Variants in FSTL5 observed in about 807,000 individuals in gnomAD.
The protein encoded by FSTL5 is follistatin like 5.
FSTL5 carries 62 observed loss-of-function variants against 89.1 expected under a neutral mutation model. That is an observed-to-expected ratio of 0.70 (90% CI 0.57 to 0.86). FSTL5 has a LOEUF of 0.86. Ranked by LOEUF, FSTL5 falls within the 40% of genes least tolerant of loss-of-function variation. The pLI is 0.00. For missense variants in FSTL5, 1,057 were observed against 1,001.6 expected, an observed-to-expected ratio of 1.06 and a Z score of -0.75; for synonymous variants, 383 against 346.2, an observed-to-expected ratio of 1.11 and a Z score of -1.18.
At chr4:161,887,642 G>C (rs1732858480) in intron 4 of FSTL5, among the ~76,000 whole-genome samples, 1 of 151,726 alleles carries the variant, frequency 6.6e-6, no homozygotes, top group Non-Finnish European at 1.5e-5. Context: ...TTAGGATTTA[G>C]TCCCGTGATT....
intron 4 of FSTL5, among the ~76,000 whole-genome samples, chr4:161,919,717 C>T (rs1733939297): frequency 1.3e-5 from 2 of 151,902 alleles, no homozygotes; most frequent in Non-Finnish European, 2.9e-5. Context: ...ACAGCATGAA[C>T]AAGTAAACAA....
intron 6 of FSTL5, among the ~76,000 whole-genome samples, chr4:161,749,121 C>T (rs917510115): frequency 2.6e-5 from 4 of 152,090 alleles, no homozygotes; most frequent in African/African-American, 9.7e-5. Context: ...TATGGAGATA[C>T]TTCAAAGAAC....
intron 3 of FSTL5, among the ~76,000 whole-genome samples, chr4:161,956,594 G>T (rs1475521517): frequency 1.3e-5 from 2 of 151,816 alleles, no homozygotes; most frequent in South Asian, 4.1e-4. Flanking sequence ...AATTACTTTT[G>T]CACTGACCTA....
At chr4:162,017,095 T>C (rs6837160) in intron 3 of FSTL5, among the ~76,000 whole-genome samples, 151,998 of 152,316 alleles carry the variant, frequency 1, 75,840 homozygotes, top group Non-Finnish European at 1. Context: ...ATTCCCTCTG[T>C]ACTTATTCTC....
intron 6 of FSTL5, among the ~76,000 whole-genome samples, chr4:161,716,874 C>T (rs920515109): frequency 3.3e-5 from 5 of 151,940 alleles, no homozygotes; most frequent in Non-Finnish European, 7.4e-5. Flanking sequence ...AAGGAGATAA[C>T]GTTAATTTTA....
chr4:161,544,919 T>C (rs1473678134), intron 8 of FSTL5, among the ~76,000 whole-genome samples: 1 of 151,994 alleles, frequency 6.6e-6, no homozygotes, highest in Non-Finnish European at 1.5e-5. Flanking sequence ...AATTAACTAG[T>C]GATGAATACA....
At chr4:161,396,653 T>TA (rs202204959) in intron 15 of FSTL5, among the ~76,000 whole-genome samples, 2,182 of 125,106 alleles carry the variant, frequency 0.017, 51 homozygotes, top group East Asian at 0.055. Flanking sequence ...CACTCTGTCT[T>TA]AAAAAAAAAA....
intron 4 of FSTL5, among the ~76,000 whole-genome samples, chr4:161,806,022 A>T (rs1729954615): frequency 6.6e-6 from 1 of 152,114 alleles, no homozygotes; most frequent in Non-Finnish European, 1.5e-5. Flanking sequence ...AAACTTTGTC[A>T]TAGGTATGTT....
chr4:161,500,062 T>A lies in FSTL5; in HGVS notation c.1412A>T (p.Glu471Val), dbSNP rs756353897. ...GIKVIQPIECEFQRHIKPSEK... is the reference protein window; with the variant it reads ...GIKVIQPIECVFQRHIKPSEK... ...ACTAGGCTTAATGTGCCTCTGAAAT[T>A]CACATTCTATGGGTTGTATCACTTT... Residue 471 changes from glutamate (E) to valine (V), a missense_variant, in exon 12 of 16, where the codon GAA (glutamate) becomes GTA (valine). Coordinates refer to ENST00000306100, the MANE Select transcript of FSTL5 (RefSeq NM_020116.5). 6.2e-7 allele frequency: 1 copy of A among 1,610,836 alleles called. No homozygotes were observed. Among genetic ancestry groups the A allele is most frequent in the East Asian group, 2.2e-5 (1 of 44,704 alleles).
chr4:162,129,037 G>C (rs997182050), intron 1 of FSTL5, among the ~76,000 whole-genome samples: 125 of 151,068 alleles, frequency 8.3e-4, no homozygotes, highest in African/African-American at 2.8e-3. Flanking sequence ...CGATTCTCCT[G>C]TTCTCCTGCC....
chr4:162,055,501 A>AATAG (rs1276930217), intron 2 of FSTL5, among the ~76,000 whole-genome samples: 1 of 147,026 alleles, frequency 6.8e-6, no homozygotes, highest in Non-Finnish European at 1.5e-5. Context: ...CATATATATA[A>AATAG]ATAGATAGAT....
chr4:161,806,137 T>A (rs561974728), intron 4 of FSTL5, among the ~76,000 whole-genome samples: 1 of 152,252 alleles, frequency 6.6e-6, no homozygotes, highest in East Asian at 1.9e-4. Flanking sequence ...TGCACAGCAA[T>A]GTTGTGGCAC....
intron 6 of FSTL5, among the ~76,000 whole-genome samples, chr4:161,737,928 T>C (rs1181663393): frequency 6.6e-6 from 1 of 152,082 alleles, no homozygotes; most frequent in Non-Finnish European, 1.5e-5. Context: ...ATTTTGAGAA[T>C]TAAAAATTTA....
At chr4:161,823,462 G>A (rs1232956111) in intron 4 of FSTL5, among the ~76,000 whole-genome samples, 1 of 152,184 alleles carries the variant, frequency 6.6e-6, no homozygotes, top group Non-Finnish European at 1.5e-5. Flanking sequence ...CACTCAACCA[G>A]GTTACAACAA....
At chr4:161,643,637 T>C (rs1488148537) in intron 7 of FSTL5, among the ~76,000 whole-genome samples, 2 of 152,312 alleles carry the variant, frequency 1.3e-5, no homozygotes, top group South Asian at 2.1e-4. Context: ...GTACTTCCCC[T>C]CATCTTTTTC....
chr4:161,866,135 T>C (rs1732079594), intron 4 of FSTL5, among the ~76,000 whole-genome samples: 1 of 152,198 alleles, frequency 6.6e-6, no homozygotes. Context: ...AGAATGATGG[T>C]TCCCTTTTAA....
intron 4 of FSTL5, among the ~76,000 whole-genome samples, chr4:161,798,848 A>G (rs375561325): frequency 1.3e-5 from 2 of 151,736 alleles, no homozygotes. Context: ...AAAGAAAAAA[A>G]CCCTAAAACA....
Position 161,510,363 on chromosome 4 carries a change from A to C in FSTL5, c.1339+35T>G, listed in dbSNP as rs9997055. 3.1e-3 allele frequency: 4,341 copies of C among 1,384,918 alleles called. 107 individuals are homozygous for C. The African/African-American group carries it at 0.055, about 18-fold the overall frequency. 85.8% of individuals were successfully genotyped at this position (1,384,918 alleles called of 1,614,324 possible). A position where few individuals can be genotyped will look rare whatever the true frequency, so the allele number is the denominator to read the frequency against. ...AACAAATCTAATAATAATCAAGCAA[A>C]ATTGTCACAACATAAAAATAATTCA... On this transcript the variant is annotated intron_variant, in intron 11 of 15. Transcript: ENST00000306100.
intron 7 of FSTL5, among the ~76,000 whole-genome samples, chr4:161,624,441 C>T (rs1735243667): frequency 6.6e-6 from 1 of 151,760 alleles, no homozygotes; most frequent in African/African-American, 2.4e-5. Context: ...TGAGAACACA[C>T]AAAATTATCT....
Sources: gnomAD v4.1 joint callset for allele counts (sites outside exome capture counted in the v4.1 genomes callset) on GRCh38, gnomAD v4.1.1 for gene constraint, MANE v1.5 for transcripts, NCBI Gene and HGNC (gene_info 2026-07-23, HGNC 2026-07-21) for gene names.